COL6A5: variants seen among roughly 807,000 people sequenced by gnomAD.
COL6A5 encodes the protein collagen alpha-5(VI) chain.
A neutral mutation model predicts 65.6 loss-of-function variants in COL6A5; 48 were observed. The observed-to-expected ratio is 0.73, with a 90% CI of 0.58 to 0.93. The LOEUF is 0.93. COL6A5 is among the 40% of genes least tolerant of loss of function. COL6A5 has a pLI of 0.00. For missense variants in COL6A5, 914 were observed against 928.3 expected (o/e 0.98, Z 0.20); for synonymous variants, 291 against 322.8 (o/e 0.90, Z 1.05).
At chr3:130,468,374 A>T (rs1333627865) in intron 5 of COL6A5, among the ~76,000 whole-genome samples, 3 of 152,102 alleles carry the variant, frequency 2.0e-5, no homozygotes. Context: ...TTTTGCTACC[A>T]ATAAATGTAA....
intron 7 of COL6A5, 79 bp downstream of exon 40, chr3:130,472,005 G>A: frequency 6.2e-6 from 8 of 1,290,456 alleles, no homozygotes; most frequent in Non-Finnish European, 7.4e-6. Flanking sequence ...TGAGCAGTTA[G>A]AATTCACTGG....
chr3:130,399,832 A>T (rs1402207873), intron 10 of COL6A5, among the ~76,000 whole-genome samples: 1 of 151,924 alleles, frequency 6.6e-6, no homozygotes, highest in Admixed American at 6.6e-5. Context: ...AGCTCGCTGC[A>T]ACCTCTGCCT....
intron 1 of COL6A5, among the ~76,000 whole-genome samples, chr3:130,351,292 C>A (rs1220054249): frequency 6.6e-5 from 10 of 152,122 alleles, no homozygotes. Context: ...GCAATGGCAA[C>A]AAAAGCCAAA....
chr3:130,472,070 C>A, intron 7 of COL6A5, 144 bp downstream of exon 40: 2 of 852,352 alleles, frequency 2.3e-6, no homozygotes, highest in Non-Finnish European at 3.5e-6. Flanking sequence ...TCTAAGGATC[C>A]AAGGGAGATA....
chr3:130,477,220 A>C, intron 7 of COL6A5: 1 of 651,502 alleles, frequency 1.5e-6, no homozygotes, highest in East Asian at 2.7e-5. Context: ...AAGATGATGC[A>C]TATAAAGCTC....
At chr3:130,479,038 T>C (rs1193008438) in intron 7 of COL6A5, among the ~76,000 whole-genome samples, 2 of 152,054 alleles carry the variant, frequency 1.3e-5, no homozygotes, top group African/African-American at 2.4e-5. Flanking sequence ...AATAATGCTA[T>C]GGCCTGAATG....
intron 5 of COL6A5, among the ~76,000 whole-genome samples, chr3:130,387,976 T>C (rs1455304644): frequency 6.6e-6 from 1 of 151,842 alleles, no homozygotes; most frequent in Non-Finnish European, 1.5e-5. Context: ...TCATTTCCAA[T>C]CAGTAGGCTG....
exon 3 of COL6A5, chr3:130,440,466 A>G (rs1709149748): frequency 6.2e-7 from 1 of 1,613,642 alleles, no homozygotes. Flanking sequence ...CTAATGAAGA[A>G]TCACATCCAG....
chr3:130,377,832 A>C (rs902601635), intron 3 of COL6A5, among the ~76,000 whole-genome samples: 3 of 152,226 alleles, frequency 2.0e-5, no homozygotes, highest in Non-Finnish European at 4.4e-5. Flanking sequence ...TAATAGTAAC[A>C]ACCATTTGCA....
chr3:130,481,472 T>C (rs1710238570), intron 7 of COL6A5, among the ~76,000 whole-genome samples: 2 of 152,190 alleles, frequency 1.3e-5, no homozygotes, highest in South Asian at 4.2e-4. Flanking sequence ...TGCTTCCAAG[T>C]CTTTGCTATT....
In COL6A5 at chr3:130,398,119, G is replaced by GTTTTTTTT; in HGVS notation, c.3991+10_3991+11insTTTTTTTT. On this transcript the variant is annotated intron_variant and NMD_transcript_variant, in intron 10 of 41. Transcript: ENST00000312481. ...ACAGGCTCAGAGAAGCAGGTATTGA[G>GTTTTTTTT]TTGTTGTTGTTTTTTTTTTTTTTTT... The GTTTTTTTT allele has an allele frequency of 2.6e-6, 3 of 1,151,402 alleles. No homozygotes were observed. Among genetic ancestry groups the GTTTTTTTT allele is most frequent in the African/African-American group, 3.4e-5 (2 of 58,874 alleles). The allele number at this position is 1,151,402 out of a possible 1,614,324, so 71.3% of individuals were successfully genotyped here. A position where few individuals can be genotyped will look rare whatever the true frequency, so the allele number is the denominator to read the frequency against.
chr3:130,428,622 C>T (rs189744131), upstream of COL6A5, among the ~76,000 whole-genome samples: 4 of 152,322 alleles, frequency 2.6e-5, no homozygotes, highest in South Asian at 2.1e-4. Context: ...TCTGCTTCTA[C>T]GACCTGTGCT....
intron 1 of COL6A5, among the ~76,000 whole-genome samples, chr3:130,359,587 AAG>A: frequency 6.6e-6 from 1 of 152,210 alleles, no homozygotes. Context: ...TTATTATGGT[AAG>A]AGAATCCTAT....
At chr3:130,392,697 C>T (rs1323069979) in intron 7 of COL6A5, among the ~76,000 whole-genome samples, 1 of 152,162 alleles carries the variant, frequency 6.6e-6, no homozygotes, top group African/African-American at 2.4e-5. Context: ...CTGACATTAA[C>T]CCACTTCCAT....
exon 8 of COL6A5, chr3:130,484,206 C>T (rs1181481312): frequency 1.5e-6 from 1 of 683,294 alleles, no homozygotes; most frequent in South Asian, 2.6e-5. Context: ...TGTTCTCCAT[C>T]TCAAATCTTG....
chr3:130,358,633 T>G (rs957487600), intron 1 of COL6A5, among the ~76,000 whole-genome samples: 2 of 152,204 alleles, frequency 1.3e-5, no homozygotes, highest in Non-Finnish European at 2.9e-5. Context: ...AAGAGCCATG[T>G]GGTAATGTGG....
chr3:130,455,010 T>G (rs1559912727), intron 4 of COL6A5, among the ~76,000 whole-genome samples: 1 of 151,982 alleles, frequency 6.6e-6, no homozygotes. Context: ...CATGGTGGCA[T>G]GCATCTTTGG....
At chr3:130,443,176 G>A (rs1392274447) in intron 3 of COL6A5, among the ~76,000 whole-genome samples, 1 of 152,130 alleles carries the variant, frequency 6.6e-6, no homozygotes, top group African/African-American at 2.4e-5. Context: ...GTATCTCTTA[G>A]ATTATGTTAG....
At chr3:130,372,083 G>T (rs946540826) in intron 1 of COL6A5, among the ~76,000 whole-genome samples, 1 of 152,070 alleles carries the variant, frequency 6.6e-6, no homozygotes, top group Admixed American at 6.6e-5. Context: ...TACCTGAAAA[G>T]ATAACATCAT....
Sources: allele counts gnomAD v4.1 joint callset (sites outside exome capture counted in the v4.1 genomes callset), GRCh38; gene constraint gnomAD v4.1.1; transcripts MANE v1.5; gene names NCBI Gene and HGNC (gene_info 2026-07-23, HGNC 2026-07-21).